Variants in PCDHGB5 observed in about 807,000 individuals in gnomAD.
PCDHGB5 encodes protocadherin gamma-B5.
Under a neutral mutation model 62.9 loss-of-function variants are expected in PCDHGB5, and 48 were observed. That is an observed-to-expected ratio of 0.76 (90% CI 0.61 to 0.97). PCDHGB5 has a LOEUF of 0.97. Among genes scored for constraint, PCDHGB5 ranks in the 50% least tolerant of loss-of-function variants. PCDHGB5 has a pLI of 0.00. For missense variants in PCDHGB5, 1,118 were observed against 1,198.6 expected (o/e 0.93, Z 0.99); for synonymous variants, 474 against 511.2 (o/e 0.93, Z 0.98).
intron 1 of PCDHGB5, among the ~76,000 whole-genome samples, chr5:141,458,009 G>T (rs1039110082): frequency 2.6e-5 from 4 of 152,142 alleles, no homozygotes; most frequent in Non-Finnish European, 4.4e-5. Context: ...AAAATAACCG[G>T]TTTTTCCAAT....
chr5:141,418,572 AC>A lies in PCDHGB5; in HGVS notation c.2397+18054del, dbSNP rs752316020. 8.1e-6 allele frequency: 13 copies of A among 1,613,794 alleles called. 1 individual carries two copies. The Admixed American group carries it at 1.8e-4, about 23-fold the overall frequency. ...ATCCTGGTAATAGATGCCAATGACA[AC>A]CCCCCAGTGTTCAGCCAGGACGTGT... On this transcript the variant is annotated intron_variant, in intron 1 of 3. Transcript: ENST00000617380.
At chr5:141,430,906 C>A (rs764039566) in intron 1 of PCDHGB5, 2 of 1,606,932 alleles carry the variant, frequency 1.2e-6, no homozygotes, top group Non-Finnish European at 1.7e-6. Flanking sequence ...GCGACATCTC[C>A]AGGGACCTGG....
chr5:141,470,986 G>T (rs1215610104), intron 1 of PCDHGB5, among the ~76,000 whole-genome samples: 1 of 151,540 alleles, frequency 6.6e-6, no homozygotes, highest in Non-Finnish European at 1.5e-5. Flanking sequence ...CAAAGTGCTG[G>T]GACTACAGGC....
intron 1 of PCDHGB5, chr5:141,433,338 T>G (rs2097583623): frequency 3.1e-6 from 2 of 651,932 alleles, no homozygotes; most frequent in South Asian, 4.0e-5. Context: ...GGACTACAGG[T>G]GCAAGCCACC....
chr5:141,433,921 T>G (rs1203867326), intron 1 of PCDHGB5, among the ~76,000 whole-genome samples: 2 of 152,012 alleles, frequency 1.3e-5, no homozygotes, highest in African/African-American at 4.8e-5. Flanking sequence ...CACCTCCAAA[T>G]GAAGATTTTA....
rs1485452553 is a variant in PCDHGB5, at chr5:141,400,262, G to T, written c.2135G>T (p.Arg712Leu). The T allele has an allele frequency of 6.2e-7, 1 of 1,613,914 alleles. No homozygotes were observed. Among genetic ancestry groups the T allele is most frequent in the African/African-American group, 1.3e-5 (1 of 74,932 alleles). Residue 712 changes from arginine (R) to leucine (L), a missense_variant, in exon 1 of 4, where the codon CGA (arginine) becomes CTA (leucine). Arg to Leu is a moderately radical substitution (Grantham distance 102). Around this residue, in one of 2 missense-constraint regions of PCDHGB5, gnomAD observed 1,034 missense variants for 1,029.1 expected, o/e 1.00. Coordinates refer to ENST00000617380, the MANE Select transcript of PCDHGB5 (RefSeq NM_018925.3). Reference protein sequence around the residue: ...AVILAVALRLRRSSSPAAWSC... With the variant: ...AVILAVALRLLRSSSPAAWSC... The stretch of plus-strand genomic sequence containing the variant: ...ATTCTGGCCGTTGCCTTGCGCCTGC[G>T]ACGCTCCTCCAGCCCTGCCGCCTGG...
intron 1 of PCDHGB5, chr5:141,423,692 G>T: frequency 7.1e-7 from 1 of 1,405,756 alleles, no homozygotes; most frequent in Non-Finnish European, 9.4e-7. Context: ...CCTAATTGTT[G>T]GTGTCTTGGC....
Position 141,491,401 on chromosome 5 carries a change from G to T in PCDHGB5, c.2398-3406G>T, listed in dbSNP as rs1442005704. ...GTCAGCGAAGTGCCTTCAGGGAAAC[G>T]CAGACGGGGACGGGGGTGGAGGGCA... On this transcript the variant is annotated intron_variant, in intron 1 of 3. Coordinates refer to ENST00000617380, the MANE Select transcript of PCDHGB5 (RefSeq NM_018925.3). The surrounding 1 kb of genome is among the most constrained non-coding windows in gnomAD (Gnocchi z 6.9). 1.2e-6 allele frequency: 2 copies of T among 1,614,102 alleles called. No homozygotes were observed. Among genetic ancestry groups the T allele is most frequent in the Non-Finnish European group, 1.7e-6 (2 of 1,179,990 alleles).
In PCDHGB5 at chr5:141,433,198, A is replaced by G. The variant is rs373769649; in HGVS notation, c.2397+32674A>G. 11 of 1,581,706 alleles carry G rather than the reference A, an allele frequency of 7.0e-6. No individual in the cohort carries two copies. The African/African-American group carries it at 1.1e-4, about 16-fold the overall frequency. On this transcript the variant is annotated intron_variant, in intron 1 of 3. Coordinates refer to ENST00000617380, the MANE Select transcript of PCDHGB5 (RefSeq NM_018925.3). ...GGTTAATTGAGGTGAGTTTATATCA[A>G]ATCTTCTTTCTTTTTTTTTTTTAAT...
chr5:141,427,978 T>C (rs750753961), intron 1 of PCDHGB5: 1 of 1,595,484 alleles, frequency 6.3e-7, no homozygotes, highest in African/African-American at 1.3e-5. Flanking sequence ...TACCCCGCGC[T>C]GGGGCCCGAT....
At chr5:141,403,905 A>G in intron 1 of PCDHGB5, 1 of 1,613,894 alleles carries the variant, frequency 6.2e-7, no homozygotes, top group Non-Finnish European at 8.5e-7. Context: ...TATGAAATGG[A>G]AATACAAGCT....
In PCDHGB5 at chr5:141,431,931, C is replaced by T. The variant is rs2097430107; in HGVS notation, c.2397+31407C>T. ...ATCTGTTTCATCCAAGGAAATCTGCCCTTTAAATTAGAAAAATCTTACGGA... is the reference window on the plus strand; with the variant it reads ...ATCTGTTTCATCCAAGGAAATCTGCTCTTTAAATTAGAAAAATCTTACGGA... On this transcript the variant is annotated intron_variant, in intron 1 of 3. Transcript: ENST00000617380. This position sits in a 1 kb window ranked among gnomAD's most constrained non-coding sequence, Gnocchi z 4.8. The T allele has an allele frequency of 6.2e-7, 1 of 1,613,924 alleles. No homozygotes were observed. Among genetic ancestry groups the T allele is most frequent in the Admixed American group, 1.7e-5 (1 of 59,986 alleles).
At chr5:141,442,759 A>G (rs2098341868) in intron 1 of PCDHGB5, among the ~76,000 whole-genome samples, 1 of 152,152 alleles carries the variant, frequency 6.6e-6, no homozygotes, top group Non-Finnish European at 1.5e-5. Flanking sequence ...GATTATATAT[A>G]TTTGTATGTG....
intron 1 of PCDHGB5, chr5:141,478,822 T>C: frequency 4.2e-6 from 6 of 1,444,070 alleles, no homozygotes; most frequent in Non-Finnish European, 5.5e-6. Flanking sequence ...AACTAACCAA[T>C]CTTGCTAAGG....
chr5:141,418,804 T>A, intron 1 of PCDHGB5: 2 of 1,613,836 alleles, frequency 1.2e-6, no homozygotes, highest in Non-Finnish European at 1.7e-6. Flanking sequence ...TAGAAAGATA[T>A]ACGATAAACA....
At chr5:141,410,161 ACT>A (rs758781174) in intron 1 of PCDHGB5, 27 of 1,613,102 alleles carry the variant, frequency 1.7e-5, no homozygotes, top group South Asian at 1.1e-5. Flanking sequence ...GACAGCCGCC[ACT>A]CTCTGCCACC....
At chr5:141,403,060 T>G (rs2094346399) in intron 1 of PCDHGB5, 2 of 1,614,042 alleles carry the variant, frequency 1.2e-6, no homozygotes, top group Non-Finnish European at 8.5e-7. Flanking sequence ...ACTCAGTGCC[T>G]GAAGAGACAG....
chr5:141,449,528 G>C (rs1298713821), intron 1 of PCDHGB5, among the ~76,000 whole-genome samples: 1 of 149,040 alleles, frequency 6.7e-6, no homozygotes, highest in African/African-American at 2.5e-5. Context: ...GGCGGAGGTT[G>C]CAGTGAGCCG....
intron 1 of PCDHGB5, among the ~76,000 whole-genome samples, chr5:141,446,739 T>A (rs1292920572): frequency 2.6e-5 from 4 of 152,180 alleles, no homozygotes; most frequent in African/African-American, 7.2e-5. Flanking sequence ...AGTGTGGGGA[T>A]TACAGGCGTG....
Sources: allele counts gnomAD v4.1 joint callset (sites outside exome capture counted in the v4.1 genomes callset), GRCh38; gene constraint gnomAD v4.1.1; regional missense constraint gnomAD v4.1.1; non-coding constraint Gnocchi (gnomAD v3.1); transcripts MANE v1.5; gene names NCBI Gene and HGNC (gene_info 2026-07-23, HGNC 2026-07-21).